Variants in CCDC47 observed in about 807,000 individuals in gnomAD.
CCDC47 encodes coiled-coil domain containing 47.
In CCDC47, 41 loss-of-function variants were observed where a neutral mutation model predicts 60.5. That is an observed-to-expected ratio of 0.68 (90% CI 0.53 to 0.88). The LOEUF is 0.88. Among genes scored for constraint, CCDC47 ranks in the 40% least tolerant of loss-of-function variants. The probability of loss-of-function intolerance (pLI) is 0.00; values close to 1 mark genes in which losing one functional copy is unlikely to be tolerated. For missense variants in CCDC47, 513 were observed against 580.9 expected (o/e 0.88, Z 1.20); for synonymous variants, 195 against 190.7 (o/e 1.02, Z -0.18).
chr17:63,761,801 G>A lies in CCDC47; in HGVS notation c.548-450C>T, dbSNP rs1268055088. On this transcript the variant is annotated intron_variant, in intron 4 of 12. Coordinates refer to ENST00000225726, the MANE Select transcript of CCDC47 (RefSeq NM_020198.3). Reference sequence around the variant, plus strand: ...CAATACTTTGCTGTCTTATAGAACTGTTTGGACAGGGACTGAAATAGATTA... The same window carrying A: ...CAATACTTTGCTGTCTTATAGAACTATTTGGACAGGGACTGAAATAGATTA... 3.1e-6 allele frequency: 3 copies of A among 980,958 alleles called. No homozygotes were observed. The Admixed American group carries it at 1.8e-4, about 60-fold the overall frequency. The allele number at this position is 980,958 out of a possible 1,614,324, so 60.8% of individuals were successfully genotyped here.
Position 63,752,110 on chromosome 17 carries a change from T to TC in CCDC47, c.1204-4dup. ...TTCTTATCTGCTTTTTGTTTGCCCT[T>TC]CCCCAAGAAACAAAGTATTTCATAA... On this transcript the variant is annotated splice_polypyrimidine_tract_variant and splice_region_variant and intron_variant, in intron 11 of 12. Coordinates refer to ENST00000225726, the MANE Select transcript of CCDC47 (RefSeq NM_020198.3). The TC allele has an allele frequency of 8.1e-6, 13 of 1,612,456 alleles. No homozygotes were observed. Among genetic ancestry groups the TC allele is most frequent in the Non-Finnish European group, 1.1e-5 (13 of 1,179,358 alleles).
chr17:63,751,514 G>T (rs948150701), intron 12 of CCDC47, among the ~76,000 whole-genome samples: 1 of 150,940 alleles, frequency 6.6e-6, no homozygotes, highest in East Asian at 1.9e-4. Context: ...TTCTAGTTAG[G>T]TAAAAAACAG....
Position 63,751,952 on chromosome 17 carries a change from C to T in CCDC47, c.1359G>A (p.Gln453=), listed in dbSNP as rs34332702. 10,045 of 1,613,718 alleles carry T rather than the reference C, an allele frequency of 6.2e-3. 531 individuals are homozygous for T. The African/African-American group carries it at 0.12, about 19-fold the overall frequency. Residue 453 remains glutamine (Q), a synonymous_variant, in exon 12 of 13, where the codon CAG becomes CAA. Coordinates refer to ENST00000225726, the MANE Select transcript of CCDC47 (RefSeq NM_020198.3). ...AAGTTTGTCTAACCTCCAGCCTGCG[C>T]TGTTTCTCAGGATCTTCCTCATTCA... The part of the protein sequence containing the change: ...RIMNEEDPEK[Q]RRLEEAALRR...
At chr17:63,769,761 C>A (rs189680080) in intron 1 of CCDC47, among the ~76,000 whole-genome samples, 1 of 152,164 alleles carries the variant, frequency 6.6e-6, no homozygotes, top group East Asian at 1.9e-4. Context: ...CTAATGATAG[C>A]CAATAAGCTA....
intron 12 of CCDC47, among the ~76,000 whole-genome samples, chr17:63,751,174 C>T (rs1287943026): frequency 6.6e-6 from 1 of 151,336 alleles, no homozygotes; most frequent in Non-Finnish European, 1.5e-5. Context: ...GCCACTGCAC[C>T]TGGCCTTTGT....
chr17:63,747,438 C>T (rs2039129161), intron 12 of CCDC47: 1 of 983,636 alleles, frequency 1.0e-6, no homozygotes, highest in Non-Finnish European at 1.2e-6. Flanking sequence ...GCACATAATA[C>T]TTAAATTCAT....
At chr17:63,749,098 T>A (rs1169942717) in intron 12 of CCDC47, among the ~76,000 whole-genome samples, 4 of 151,838 alleles carry the variant, frequency 2.6e-5, no homozygotes, top group African/African-American at 9.7e-5. Context: ...TGAAAAATGT[T>A]CAACTTCAAA....
At position 63,760,028 on chromosome 17, in the gene CCDC47, C is replaced by G. The variant is rs28469749; in HGVS notation, c.735+886G>C. Among the ~76,000 whole-genome samples, 303 of 142,332 alleles carry G rather than the reference C, an allele frequency of 2.1e-3. 1 individual carries two copies. The highest frequency in any genetic ancestry group is 7.4e-3 in the African/African-American group (280 of 37,868). 93.4% of individuals were successfully genotyped at this position (142,332 alleles called of 152,430 possible). ...GCAGTGAGCCGAGATTGCACCACTG[C>G]ACTCCAGCCTGGCAACAGAGCAAGA... On this transcript the variant is annotated intron_variant, in intron 6 of 12. Coordinates refer to ENST00000225726, the MANE Select transcript of CCDC47 (RefSeq NM_020198.3).
intron 9 of CCDC47, 125 bp from the exon 10 acceptor site, chr17:63,752,924 T>C (rs1310288873): frequency 5.1e-6 from 7 of 1,381,320 alleles, no homozygotes; most frequent in Non-Finnish European, 6.6e-6. Context: ...TGGCTTGGCA[T>C]ACCCAAGTCA....
At chr17:63,761,662 A>C in intron 4 of CCDC47, 1 of 234,828 alleles carries the variant, frequency 4.3e-6, no homozygotes, top group Non-Finnish European at 7.3e-6. Context: ...GCACCATTGT[A>C]CTCCAGCCTG....
chr17:63,763,675 T>G (rs1313201698), intron 4 of CCDC47, among the ~76,000 whole-genome samples: 1 of 147,806 alleles, frequency 6.8e-6, no homozygotes, highest in East Asian at 1.9e-4. Context: ...AATACAAAAA[T>G]GAGCAGGGCA....
chr17:63,766,337 T>G (rs779554692), intron 1 of CCDC47, 143 bp from the exon 2 acceptor site: 1 of 746,942 alleles, frequency 1.3e-6, no homozygotes, highest in Non-Finnish European at 2.0e-6. Flanking sequence ...TAAAGAACAA[T>G]GAAGTAAGGT....
rs185348762 is a variant in CCDC47 at position 63,749,905 on chromosome 17, C to T, written c.1371+2035G>A. On this transcript the variant is annotated intron_variant, in intron 12 of 12. Coordinates refer to ENST00000225726, the MANE Select transcript of CCDC47 (RefSeq NM_020198.3). ...AGGAGTTCGAAGCTGCAGCGAGCTA[C>T]GATTTTGCCACTGTACTCTAGCCTG... is the stretch of plus-strand genomic sequence containing the variant. Among the ~76,000 whole-genome samples the T allele has an allele frequency of 5.4e-3, 826 of 152,066 alleles. 6 individuals carry two copies. The highest frequency in any genetic ancestry group is 0.018 in the African/African-American group (748 of 41,488).
rs2039237232 is a variant in CCDC47, at chr17:63,759,530, TATATATATA to T, written c.735+1375_735+1383del. ...AAAAATATATATATATATATATTTA[TATATATATA>T]TATATATATATATATATATATATAT... On this transcript the variant is annotated intron_variant, in intron 6 of 12. Coordinates refer to ENST00000225726, the MANE Select transcript of CCDC47 (RefSeq NM_020198.3). 8.7e-4 allele frequency among the ~76,000 whole-genome samples: 2 copies of T among 2,304 alleles called. 1 individual carries two copies. The highest frequency in any genetic ancestry group is 1.4e-3 in the Non-Finnish European group (2 of 1,386). The allele number at this position is 2,304 out of a possible 152,430, so 1.5% of individuals were successfully genotyped here.
In CCDC47 at chr17:63,769,528, C is replaced by T. The variant is rs141981907; in HGVS notation, c.-19-3334G>A. On this transcript the variant is annotated intron_variant, in intron 1 of 12. Coordinates refer to ENST00000225726, the MANE Select transcript of CCDC47 (RefSeq NM_020198.3). ...ACTTGGGAGGCTGAGGCAGGAGGAT[C>T]GCTTGAATCAGGAGGTGGAGGTTGC... 5.5e-3 allele frequency among the ~76,000 whole-genome samples: 821 copies of T among 149,250 alleles called. 7 individuals carry two copies. Among genetic ancestry groups the T allele is most frequent in the African/African-American group, 0.02 (795 of 40,562 alleles).
At chr17:63,766,725 CAA>C (rs1259804638) in intron 1 of CCDC47, 1 of 642,572 alleles carries the variant, frequency 1.6e-6, no homozygotes, top group Non-Finnish European at 1.9e-6. Flanking sequence ...GTGCCCAGCC[CAA>C]GTCATTTAAT....
At chr17:63,755,960 A>G (rs991770402) in intron 8 of CCDC47, among the ~76,000 whole-genome samples, 3 of 152,154 alleles carry the variant, frequency 2.0e-5, no homozygotes. Flanking sequence ...GACATGACGA[A>G]AAAGATTAGA....
chr17:63,758,526 A>T (rs62077503), intron 6 of CCDC47, among the ~76,000 whole-genome samples: 2 of 151,878 alleles, frequency 1.3e-5, no homozygotes, highest in South Asian at 2.1e-4. Context: ...AAAAAAATTT[A>T]AATTTACAAA....
rs112513145 is a variant in CCDC47, at chr17:63,750,826, A to T, written c.1371+1114T>A. Among the ~76,000 whole-genome samples the T allele has an allele frequency of 9.4e-3, 1,416 of 150,954 alleles. 24 individuals carry two copies. Among genetic ancestry groups the T allele is most frequent in the African/African-American group, 0.032 (1,325 of 41,060 alleles). ...CTGGTCTCGAACTCCTGACCTTGTG[A>T]TCCTCCCGCCTCAGCCTCCCAAAGT... On this transcript the variant is annotated intron_variant, in intron 12 of 12. Coordinates refer to ENST00000225726, the MANE Select transcript of CCDC47 (RefSeq NM_020198.3).
Sources: gnomAD v4.1 joint callset for allele counts (sites outside exome capture counted in the v4.1 genomes callset) on GRCh38, gnomAD v4.1.1 for gene constraint, MANE v1.5 for transcripts, NCBI Gene and HGNC (gene_info 2026-07-23, HGNC 2026-07-21) for gene names.